UNC13C: variants seen among roughly 807,000 people sequenced by gnomAD.
The protein encoded by UNC13C is unc-13 homolog C.
A neutral mutation model predicts 245.4 loss-of-function variants in UNC13C; 174 were observed. The ratio of observed to expected loss-of-function variants is 0.71; its 90% confidence interval spans 0.63 to 0.80. The LOEUF (loss-of-function observed/expected upper bound fraction) is 0.80. UNC13C is among the 30% of genes least tolerant of loss of function. The pLI is 0.00. For synonymous variants in UNC13C, 992 were observed against 895.1 expected (o/e 1.11, Z -1.93); for missense variants, 2,829 against 2,602.9 (o/e 1.09, Z -1.89).
rs183422239 is a variant in UNC13C at position 54,226,465 on chromosome 15, C to G, written c.3072-8565C>G. Among the ~76,000 whole-genome samples, 74 of 152,246 alleles carry G rather than the reference C, an allele frequency of 4.9e-4. 2 individuals are homozygous for G. The highest frequency in any genetic ancestry group is 4.8e-3 in the Admixed American group (73 of 15,298). ...TATTGATTTGTAGTGTCACAGGGTC[C>G]TTGGAGTGTCAATTTGCTAGCTGGA... is the stretch of plus-strand genomic sequence containing the variant. On this transcript the variant is annotated intron_variant, in intron 4 of 32. Coordinates refer to ENST00000260323, the MANE Select transcript of UNC13C (RefSeq NM_001080534.3).
chr15:54,418,468 C>G (rs1385154670), intron 19 of UNC13C, among the ~76,000 whole-genome samples: 1 of 152,128 alleles, frequency 6.6e-6, no homozygotes, highest in Non-Finnish European at 1.5e-5. Flanking sequence ...CCTTCCACTG[C>G]TTGTTCTGCA....
intron 11 of UNC13C, among the ~76,000 whole-genome samples, chr15:54,294,708 C>T (rs2037385365): frequency 5.9e-5 from 9 of 151,892 alleles, no homozygotes; most frequent in Admixed American, 5.9e-4. Context: ...TATGGGTCAC[C>T]TCAGTTTCTG....
intron 2 of UNC13C, among the ~76,000 whole-genome samples, chr15:54,094,480 G>A (rs1253338071): frequency 6.6e-6 from 1 of 152,106 alleles, no homozygotes; most frequent in Non-Finnish European, 1.5e-5. Flanking sequence ...TTTATATTGT[G>A]CTTTGAGCTA....
chr15:53,936,905 A>G, the UNC13C span, among the ~76,000 whole-genome samples: 1 of 152,346 alleles, frequency 6.6e-6, no homozygotes, highest in East Asian at 1.9e-4. Flanking sequence ...CCAAAGGTGG[A>G]TAAGCCCACA....
intron 4 of UNC13C, among the ~76,000 whole-genome samples, chr15:54,184,594 A>T (rs1001244906): frequency 6.6e-6 from 1 of 152,178 alleles, no homozygotes; most frequent in Non-Finnish European, 1.5e-5. Flanking sequence ...AAAGGACATG[A>T]ACTCATCATT....
the UNC13C span, among the ~76,000 whole-genome samples, chr15:53,969,733 C>G: frequency 0.61 from 91,005 of 150,122 alleles, 28,019 homozygotes; most frequent in African/African-American, 0.7. Flanking sequence ...ATCCCATACA[C>G]TTAACATAAA....
chr15:54,440,753 A>G (rs1412484945), intron 19 of UNC13C, among the ~76,000 whole-genome samples: 2 of 152,044 alleles, frequency 1.3e-5, no homozygotes, highest in African/African-American at 4.8e-5. Context: ...CATAGTTGCT[A>G]TACTAATTTA....
chr15:54,404,708 T>G (rs996468684), intron 18 of UNC13C, among the ~76,000 whole-genome samples: 7 of 152,190 alleles, frequency 4.6e-5, no homozygotes, highest in African/African-American at 7.2e-5. Context: ...TTTTAACTTC[T>G]AAGTATGTAT....
intron 17 of UNC13C, among the ~76,000 whole-genome samples, chr15:54,375,572 G>C (rs1443300120): frequency 6.6e-6 from 1 of 152,212 alleles, no homozygotes; most frequent in East Asian, 1.9e-4. Context: ...AGTTTGAATT[G>C]AATCAATGAA....
At chr15:54,056,248 T>A (rs1251384623) in intron 2 of UNC13C, among the ~76,000 whole-genome samples, 1 of 151,924 alleles carries the variant, frequency 6.6e-6, no homozygotes, top group Admixed American at 6.6e-5. Flanking sequence ...GAATAACCAA[T>A]GCAGAGAAGT....
intron 22 of UNC13C, among the ~76,000 whole-genome samples, chr15:54,501,585 C>A (rs1197660076): frequency 1.3e-5 from 2 of 152,156 alleles, no homozygotes; most frequent in East Asian, 3.9e-4. Flanking sequence ...AAAGAAGCAG[C>A]CACTGTCTAT....
intron 17 of UNC13C, among the ~76,000 whole-genome samples, chr15:54,347,919 A>G (rs2038894713): frequency 6.6e-6 from 1 of 152,126 alleles, no homozygotes; most frequent in African/African-American, 2.4e-5. Context: ...TATTACATAT[A>G]TCTATTATTT....
At chr15:54,026,134 C>T (rs992185342) in intron 2 of UNC13C, among the ~76,000 whole-genome samples, 6 of 152,118 alleles carry the variant, frequency 3.9e-5, no homozygotes, top group Non-Finnish European at 7.4e-5. Context: ...AGGAAATTCT[C>T]GAGCTGATCA....
intron 2 of UNC13C, among the ~76,000 whole-genome samples, chr15:54,100,640 C>A (rs1274527282): frequency 2.6e-5 from 4 of 151,954 alleles, no homozygotes; most frequent in African/African-American, 9.7e-5. Context: ...CGTCTATATC[C>A]AGTTACCTAC....
chr15:54,198,012 G>T (rs975499922), intron 4 of UNC13C, among the ~76,000 whole-genome samples: 1 of 152,086 alleles, frequency 6.6e-6, no homozygotes, highest in Non-Finnish European at 1.5e-5. Flanking sequence ...CTTTAGGACT[G>T]CAGGCTGTGT....
chr15:54,108,722 C>T (rs951055381), intron 2 of UNC13C, among the ~76,000 whole-genome samples: 4 of 152,144 alleles, frequency 2.6e-5, no homozygotes, highest in Non-Finnish European at 5.9e-5. Context: ...GTGACTTTCT[C>T]TGCTTCATTC....
intron 4 of UNC13C, among the ~76,000 whole-genome samples, chr15:54,201,461 C>T (rs1002043780): frequency 2.6e-5 from 4 of 151,808 alleles, no homozygotes; most frequent in Admixed American, 6.6e-5. Flanking sequence ...AAAAGATAAT[C>T]CACCAAGATC....
At position 54,553,000 on chromosome 15, in the gene UNC13C, A is replaced by G. The variant is rs1437252275; in HGVS notation, c.5878-2432A>G. Among the ~76,000 whole-genome samples, 7 of 103,660 alleles carry G rather than the reference A, an allele frequency of 6.8e-5. 1 individual carries two copies. The highest frequency in any genetic ancestry group is 1.2e-4 in the Non-Finnish European group (7 of 57,066). The allele number at this position is 103,660 out of a possible 152,430, so 68.0% of individuals were successfully genotyped here. A position where few individuals can be genotyped will look rare whatever the true frequency, so the allele number is the denominator to read the frequency against. On this transcript the variant is annotated intron_variant, in intron 28 of 32. Coordinates refer to ENST00000260323, the MANE Select transcript of UNC13C (RefSeq NM_001080534.3). ...TATATATTGTATTCTATATTACAATATATAATATATATTGTATTCTATATT... is the reference window on the plus strand; with the variant it reads ...TATATATTGTATTCTATATTACAATGTATAATATATATTGTATTCTATATT...
chr15:54,306,280 A>C (rs1038668415), intron 13 of UNC13C, among the ~76,000 whole-genome samples: 1 of 152,032 alleles, frequency 6.6e-6, no homozygotes, highest in Non-Finnish European at 1.5e-5. Flanking sequence ...GAGAGGGATT[A>C]CAATTTTCCT....
Sources: allele counts gnomAD v4.1 joint callset (sites outside exome capture counted in the v4.1 genomes callset), GRCh38; gene constraint gnomAD v4.1.1; transcripts MANE v1.5; gene names NCBI Gene and HGNC (gene_info 2026-07-23, HGNC 2026-07-21).